The following ASAP2 variants were observed in gnomAD, a reference collection of about 807,000 sequenced individuals.
ASAP2 encodes arf-GAP with SH3 domain, ANK repeat and PH domain-containing protein 2.
Under a neutral mutation model 131.4 loss-of-function variants are expected in ASAP2, and 45 were observed. That is an observed-to-expected ratio of 0.34 (90% CI 0.27 to 0.44). The LOEUF (loss-of-function observed/expected upper bound fraction) is 0.44. Among genes scored for constraint, ASAP2 ranks in the 20% least tolerant of loss-of-function variants. ASAP2 has a pLI of 1.00. For synonymous variants in ASAP2, 510 were observed against 503.0 expected, an observed-to-expected ratio of 1.01 and a Z score of -0.19; for missense variants, 1,011 against 1,297.0, an observed-to-expected ratio of 0.78 and a Z score of 3.39.
At chr2:9,332,956 A>T (rs1231557975) in intron 7 of ASAP2, among the ~76,000 whole-genome samples, 1 of 152,190 alleles carries the variant, frequency 6.6e-6, no homozygotes, top group Admixed American at 6.5e-5. Flanking sequence ...TAGCATCCTG[A>T]CCTCTGTGAC....
At chr2:9,355,456 G>A (rs917454810) in intron 12 of ASAP2, among the ~76,000 whole-genome samples, 2 of 152,152 alleles carry the variant, frequency 1.3e-5, no homozygotes, top group African/African-American at 2.4e-5. Context: ...CCACACAGCC[G>A]CCTCCCTGCT....
intron 1 of ASAP2, among the ~76,000 whole-genome samples, chr2:9,210,776 T>C (rs1229477697): frequency 6.6e-6 from 1 of 151,950 alleles, no homozygotes; most frequent in Non-Finnish European, 1.5e-5. Flanking sequence ...GGATGGTCGA[T>C]GGTCTAGATC....
chr2:9,212,908 C>T (rs1307491308), intron 1 of ASAP2, among the ~76,000 whole-genome samples: 2 of 152,224 alleles, frequency 1.3e-5, no homozygotes, highest in South Asian at 4.1e-4. Flanking sequence ...CGAGACGGAA[C>T]CCCGGCTGCA....
chr2:9,280,029 G>T (rs1286123515), intron 2 of ASAP2, among the ~76,000 whole-genome samples: 2 of 152,154 alleles, frequency 1.3e-5, no homozygotes, highest in African/African-American at 4.8e-5. Flanking sequence ...GTTTCATTCA[G>T]CAACAAAAAG....
At chr2:9,388,217 C>A in intron 21 of ASAP2, 77 bp from the exon 22 acceptor site, 1 of 1,571,870 alleles carries the variant, frequency 6.4e-7, no homozygotes, top group South Asian at 1.2e-5. Context: ...GTGAGGTTTT[C>A]ACCCCTGTGT....
chr2:9,209,360 C>T (rs1430867329), intron 1 of ASAP2, among the ~76,000 whole-genome samples: 2 of 152,192 alleles, frequency 1.3e-5, no homozygotes, highest in Non-Finnish European at 2.9e-5. Context: ...GTCTAATGTT[C>T]GTGTCTATTA....
Position 9,335,081 on chromosome 2 carries a change from G to T in ASAP2, c.763-12G>T, listed in dbSNP as rs1320281454. On this transcript the variant is annotated splice_polypyrimidine_tract_variant and intron_variant, in intron 8 of 27. Coordinates refer to ENST00000281419, the MANE Select transcript of ASAP2 (RefSeq NM_003887.3). ...TTCTGATTGGTTCTGTTGTGTGTGT[G>T]TGTTTTTAAAGATCAAACAGGCCCA... The T allele has an allele frequency of 6.2e-7, 1 of 1,612,578 alleles. No individual in the cohort carries two copies. Among genetic ancestry groups the T allele is most frequent in the South Asian group, 1.1e-5 (1 of 91,050 alleles).
chr2:9,264,156 C>T (rs1295292382), intron 1 of ASAP2, among the ~76,000 whole-genome samples: 1 of 150,054 alleles, frequency 6.7e-6, no homozygotes, highest in Admixed American at 6.7e-5. Flanking sequence ...CACACCACTG[C>T]ACTCCACCCT....
At chr2:9,215,949 A>T (rs1483973998) in intron 1 of ASAP2, among the ~76,000 whole-genome samples, 1 of 152,252 alleles carries the variant, frequency 6.6e-6, no homozygotes, top group East Asian at 1.9e-4. Flanking sequence ...AGGTCAGTTC[A>T]TATACTTGTG....
At chr2:9,223,606 G>A (rs1359996844) in intron 1 of ASAP2, among the ~76,000 whole-genome samples, 1 of 152,134 alleles carries the variant, frequency 6.6e-6, no homozygotes, top group African/African-American at 2.4e-5. Flanking sequence ...GCAGCCATAG[G>A]GCGTACATTA....
intron 11 of ASAP2, among the ~76,000 whole-genome samples, chr2:9,347,196 G>T (rs1466124452): frequency 7.2e-5 from 11 of 152,194 alleles, no homozygotes; most frequent in Admixed American, 7.2e-4. Context: ...CCGTTCAGTG[G>T]CTGAGTGTTC....
At chr2:9,394,304 A>G (rs961616552) in intron 24 of ASAP2, among the ~76,000 whole-genome samples, 3 of 151,580 alleles carry the variant, frequency 2.0e-5, no homozygotes, top group Admixed American at 6.6e-5. Context: ...AGCTGGGACT[A>G]CAGGTGCCTC....
At chr2:9,306,567 G>A (rs1246203593) in intron 3 of ASAP2, among the ~76,000 whole-genome samples, 1 of 151,842 alleles carries the variant, frequency 6.6e-6, no homozygotes, top group Non-Finnish European at 1.5e-5. Context: ...CCCAGGGAAG[G>A]AGCTGGAAGC....
chr2:9,336,609 C>T (rs1245445293), intron 9 of ASAP2, among the ~76,000 whole-genome samples: 2 of 152,142 alleles, frequency 1.3e-5, no homozygotes, highest in Non-Finnish European at 2.9e-5. Flanking sequence ...AAACATGGGT[C>T]AACTAAGTGA....
chr2:9,378,673 A>G (rs1674589516), intron 18 of ASAP2, among the ~76,000 whole-genome samples: 1 of 152,164 alleles, frequency 6.6e-6, no homozygotes, highest in South Asian at 2.1e-4. Context: ...TTGGCCCCAC[A>G]TGCTCAGCAA....
intron 20 of ASAP2, among the ~76,000 whole-genome samples, chr2:9,382,127 G>T (rs1336199801): frequency 6.6e-6 from 1 of 151,898 alleles, no homozygotes; most frequent in Admixed American, 6.6e-5. Context: ...CGGATTACAG[G>T]CACCTGCCAC....
At chr2:9,300,714 C>G (rs1048082125) in intron 3 of ASAP2, among the ~76,000 whole-genome samples, 2 of 152,170 alleles carry the variant, frequency 1.3e-5, no homozygotes, top group African/African-American at 4.8e-5. Flanking sequence ...CTTACAGGGC[C>G]CTTAGCTAGT....
chr2:9,255,579 G>A (rs764294039), intron 1 of ASAP2, among the ~76,000 whole-genome samples: 7 of 152,204 alleles, frequency 4.6e-5, no homozygotes, highest in Admixed American at 3.3e-4. Flanking sequence ...TGTCCTTGCC[G>A]TGGATTCGGC....
intron 16 of ASAP2, among the ~76,000 whole-genome samples, chr2:9,369,299 G>A (rs1271667503): frequency 1.3e-5 from 2 of 152,086 alleles, no homozygotes; most frequent in Non-Finnish European, 2.9e-5. Context: ...GATTACAGGC[G>A]TGAGGCACCG....
Sources: allele counts gnomAD v4.1 joint callset (sites outside exome capture counted in the v4.1 genomes callset), GRCh38; gene constraint gnomAD v4.1.1; transcripts MANE v1.5; gene names NCBI Gene and HGNC (gene_info 2026-07-23, HGNC 2026-07-21).